Variants in PALS2 observed in about 807,000 individuals in gnomAD.
The protein encoded by PALS2 is protein associated with LIN7 2, MAGUK p55 family member, also known as protein PALS2.
PALS2 carries 27 observed loss-of-function variants against 61.6 expected under a neutral mutation model. That is an observed-to-expected ratio of 0.44 (90% confidence interval 0.32 to 0.60). The LOEUF (loss-of-function observed/expected upper bound fraction) is 0.60. PALS2 is among the 20% of genes least tolerant of loss of function. PALS2 has a pLI of 0.05. For missense variants in PALS2, 554 were observed against 639.4 expected (o/e 0.87, Z 1.44); for synonymous variants, 236 against 218.6 (o/e 1.08, Z -0.70).
intron 1 of PALS2, among the ~76,000 whole-genome samples, chr7:24,583,946 A>G (rs1258830399): frequency 2.0e-5 from 3 of 151,278 alleles, no homozygotes; most frequent in South Asian, 4.2e-4. Flanking sequence ...TTTACTGAGA[A>G]TGATGATTTC....
rs1320634067 is a variant in PALS2, at chr7:24,596,599, C to T, written c.-3+23006C>T. Among the ~76,000 whole-genome samples, 2 of 152,046 alleles carry T rather than the reference C, an allele frequency of 1.3e-5. No individual in the cohort carries two copies. The highest frequency in any genetic ancestry group is 2.9e-5 in the Non-Finnish European group (2 of 68,010). ...TTCTTGTAAAATAATGAAGTTTTGA[C>T]TTGCTTTGTTAATTAGTGGTTGGGT... On this transcript the variant is annotated intron_variant, in intron 1 of 11. Transcript: ENST00000222644. This position sits in a 1 kb window ranked among gnomAD's most constrained non-coding sequence, Gnocchi z 4.5.
chr7:24,606,587 A>G (rs1228853362), intron 1 of PALS2, among the ~76,000 whole-genome samples: 2 of 152,076 alleles, frequency 1.3e-5, no homozygotes, highest in Non-Finnish European at 2.9e-5. Flanking sequence ...TTAGTAAAGT[A>G]GGCATTTAAT....
chr7:24,578,762 G>A (rs1000491461), intron 1 of PALS2, among the ~76,000 whole-genome samples: 4 of 152,060 alleles, frequency 2.6e-5, no homozygotes, highest in African/African-American at 9.7e-5. Flanking sequence ...ACATGTAATG[G>A]GATTAAACAG....
chr7:24,631,041 C>G (rs1010123569), intron 2 of PALS2, among the ~76,000 whole-genome samples: 1 of 152,188 alleles, frequency 6.6e-6, no homozygotes, highest in Admixed American at 6.5e-5. Flanking sequence ...ACTTTCAAGT[C>G]TTAGTTAAAT....
At chr7:24,639,814 A>ATTTTTT (rs61073575) in intron 2 of PALS2, among the ~76,000 whole-genome samples, 215 of 96,220 alleles carry the variant, frequency 2.2e-3, no homozygotes, top group African/African-American at 6.5e-3. Context: ...TTCTAGTCTA[A>ATTTTTT]TTTTTTTTTT....
rs550937608 is a variant in PALS2, at chr7:24,619,446, G to A, written c.-2-4220G>A. The stretch of plus-strand genomic sequence containing the variant: ...AAGAATCCCATTTATGGCTGGGCGC[G>A]GTAGCTCACGCCTGTAATCCCAGCA... On this transcript the variant is annotated intron_variant, in intron 1 of 11. Coordinates refer to ENST00000222644, the MANE Select transcript of PALS2 (RefSeq NM_001303037.2). Among the ~76,000 whole-genome samples, 33 of 152,038 alleles carry A rather than the reference G, an allele frequency of 2.2e-4. No individual in the cohort carries two copies. In the South Asian group the frequency reaches 6.8e-3, roughly 32 times the overall value.
chr7:24,583,646 G>T (rs1562597342), intron 1 of PALS2, among the ~76,000 whole-genome samples: 3 of 139,272 alleles, frequency 2.2e-5, no homozygotes, highest in Admixed American at 1.4e-4. Context: ...TTTTTCCCAT[G>T]CTAAATATTT....
chr7:24,679,432 A>G lies in PALS2; in HGVS notation c.1317+99A>G, dbSNP rs1787800358. On this transcript the variant is annotated intron_variant, in intron 10 of 11. Coordinates refer to ENST00000222644, the MANE Select transcript of PALS2 (RefSeq NM_001303037.2). ...TTGGGTTGGGGTTGTTTGTTTTGTC[A>G]GGGTGGAAAGGTGACTCCCTCCATT... 13 of 1,191,230 alleles carry G rather than the reference A, an allele frequency of 1.1e-5. No homozygotes were observed. In the South Asian group the frequency reaches 1.8e-4, roughly 16 times the overall value. 73.8% of individuals were successfully genotyped at this position (1,191,230 alleles called of 1,614,324 possible).
chr7:24,687,228 C>T lies in PALS2; in HGVS notation c.1447-210C>T, dbSNP rs1788249785. Among the ~76,000 whole-genome samples, 1 of 152,144 alleles carries T rather than the reference C, an allele frequency of 6.6e-6. No individual in the cohort carries two copies. ...AGTGAGGCAAAAGATGCAGAATACTCATAAATGTAAACATGAGTGTTGTTG... is the reference window on the plus strand; with the variant it reads ...AGTGAGGCAAAAGATGCAGAATACTTATAAATGTAAACATGAGTGTTGTTG... On this transcript the variant is annotated intron_variant, in intron 11 of 11. Transcript: ENST00000222644. The surrounding 1 kb of genome is among the most constrained non-coding windows in gnomAD (Gnocchi z 4.5).
intron 1 of PALS2, among the ~76,000 whole-genome samples, chr7:24,591,212 G>C (rs1783273703): frequency 6.6e-6 from 1 of 152,082 alleles, no homozygotes; most frequent in Non-Finnish European, 1.5e-5. Flanking sequence ...AGGACCAACT[G>C]ACCTTAGGAA....
At position 24,692,229 on chromosome 7, in the gene PALS2, C is replaced by G. The variant is rs1180873473; in HGVS notation, c.*4615C>G. 2 of 152,140 alleles carry G rather than the reference C, an allele frequency of 1.3e-5. No homozygotes were observed. Among genetic ancestry groups the G allele is most frequent in the Non-Finnish European group, 2.9e-5 (2 of 67,996 alleles). 9.4% of individuals were successfully genotyped at this position (152,140 alleles called of 1,614,324 possible). ...TCTAAAGTAAGCATGGTTCACACCA[C>G]TTTGGCAATACACTGCAGTACTTTT... On this transcript the variant is annotated 3_prime_UTR_variant, in exon 12 of 12. Coordinates refer to ENST00000222644, the MANE Select transcript of PALS2 (RefSeq NM_001303037.2).
chr7:24,663,218 C>G (rs1369940114), intron 5 of PALS2, among the ~76,000 whole-genome samples: 1 of 152,156 alleles, frequency 6.6e-6, no homozygotes, highest in African/African-American at 2.4e-5. Flanking sequence ...CTTAAATCAA[C>G]TACCTATATT....
chr7:24,642,416 C>A (rs939505620), intron 3 of PALS2, among the ~76,000 whole-genome samples: 1 of 152,006 alleles, frequency 6.6e-6, no homozygotes, highest in Non-Finnish European at 1.5e-5. Flanking sequence ...AGAGAAAAGA[C>A]AGGAAAGATT....
intron 5 of PALS2, among the ~76,000 whole-genome samples, chr7:24,653,829 T>TA (rs1434121659): frequency 2.0e-5 from 3 of 152,164 alleles, no homozygotes; most frequent in Non-Finnish European, 2.9e-5. Context: ...CTTTGACCAT[T>TA]ACCAGACATG....
At chr7:24,676,130 C>A (rs1373378919) in intron 9 of PALS2, among the ~76,000 whole-genome samples, 4 of 151,846 alleles carry the variant, frequency 2.6e-5, no homozygotes, top group East Asian at 1.9e-4. Context: ...ATTTGCATTT[C>A]TCTGATGGCC....
At chr7:24,605,319 A>G (rs1454499416) in intron 1 of PALS2, among the ~76,000 whole-genome samples, 1 of 152,172 alleles carries the variant, frequency 6.6e-6, no homozygotes, top group Non-Finnish European at 1.5e-5. Flanking sequence ...AACAACTGCC[A>G]TGTTCCTCAG....
At chr7:24,578,848 T>C (rs1782734443) in intron 1 of PALS2, among the ~76,000 whole-genome samples, 1 of 152,224 alleles carries the variant, frequency 6.6e-6, no homozygotes, top group African/African-American at 2.4e-5. Context: ...GTCTCTCCTC[T>C]TTTTAAATTT....
chr7:24,630,158 T>C (rs1289341565), intron 2 of PALS2, among the ~76,000 whole-genome samples: 1 of 152,160 alleles, frequency 6.6e-6, no homozygotes, highest in Non-Finnish European at 1.5e-5. Flanking sequence ...TAAAAAATGA[T>C]GAGTTCACGT....
intron 2 of PALS2, among the ~76,000 whole-genome samples, chr7:24,628,304 C>G (rs185398216): frequency 6.6e-6 from 1 of 152,180 alleles, no homozygotes; most frequent in East Asian, 1.9e-4. Flanking sequence ...AGGCCTTTGA[C>G]AAAATTCAGC....
Sources: gnomAD v4.1 joint callset for allele counts (sites outside exome capture counted in the v4.1 genomes callset) on GRCh38, gnomAD v4.1.1 for gene constraint, Gnocchi (gnomAD v3.1) non-coding constraint, MANE v1.5 for transcripts, NCBI Gene and HGNC (gene_info 2026-07-23, HGNC 2026-07-21) for gene names.